The following TTN variants were observed in gnomAD, a reference collection of about 807,000 sequenced individuals.
TTN encodes the protein connectin.
Under a neutral mutation model 3,223.0 loss-of-function variants are expected in TTN, and 1,525 were observed. The observed-to-expected ratio is 0.47, with a 90% CI of 0.45 to 0.49. The LOEUF is 0.49. TTN is among the 20% of genes least tolerant of loss of function. The pLI is 0.00. For synonymous variants in TTN, 14,094 were observed against 15,161.0 expected, an observed-to-expected ratio of 0.93 and a Z score of 5.17; for missense variants, 40,786 against 43,424.0, an observed-to-expected ratio of 0.94 and a Z score of 5.40.
chr2:178,712,652 A>C, intron 94 of TTN, 45 bp downstream of exon 94: 1 of 1,606,602 alleles, frequency 6.2e-7, no homozygotes, highest in Non-Finnish European at 8.5e-7. Context: ...ACAAAGACAC[A>C]TCTAATTACT....
rs2049113309 is a variant in TTN at position 178,586,895 on chromosome 2, T to G, written c.64094-88A>C. 3.3e-6 allele frequency: 5 copies of G among 1,517,756 alleles called. No individual in the cohort carries two copies. In the African/African-American group the frequency reaches 7.0e-5, roughly 21 times the overall value. 94.0% of individuals were successfully genotyped at this position (1,517,756 alleles called of 1,614,324 possible). On this transcript the variant is annotated intron_variant, in intron 307 of 362. Coordinates refer to ENST00000589042, the MANE Select transcript of TTN (RefSeq NM_001267550.2). ...GTACATAAGAGTTTTAGTATGGATT[T>G]GCTCCAATGTACATAGAACCTGTAG...
chr2:178,716,983 C>G, intron 88 of TTN, 112 bp downstream of exon 88: 1 of 1,224,562 alleles, frequency 8.2e-7, no homozygotes, highest in Non-Finnish European at 1.1e-6. Flanking sequence ...GATCCATTTT[C>G]ATCACTAGAC....
rs774105753 is a variant in TTN, at chr2:178,774,046, C to A, written c.7122G>T (p.Gln2374His). 3.7e-6 allele frequency: 6 copies of A among 1,613,968 alleles called. No individual in the cohort carries two copies. In the East Asian group the frequency reaches 1.1e-4, roughly 30 times the overall value. Residue 2374 changes from glutamine (Q) to histidine (H), a missense_variant, in exon 31 of 363, where the codon CAG becomes CAT. Coordinates refer to ENST00000589042, the MANE Select transcript of TTN (RefSeq NM_001267550.2). ...TTTCCAAGGAGACTTTAACTTCAAGCTGAACAATGTCACCCTCACAGACTT... is the reference window on the plus strand; with the variant it reads ...TTTCCAAGGAGACTTTAACTTCAAGATGAACAATGTCACCCTCACAGACTT... ...DQKVCEGDIV[Q>H]LEVKVSLESV...
chr2:178,799,408 G>A (rs368402876), intron 6 of TTN, 79 bp downstream of exon 6: 1 of 1,607,076 alleles, frequency 6.2e-7, no homozygotes, highest in Non-Finnish European at 8.5e-7. Flanking sequence ...TGCCCTGCGA[G>A]GGGGACAAGG....
intron 307 of TTN, 57 bp from the exon 308 acceptor site, chr2:178,586,864 GTTAATGTACATAAGAGTT>G: frequency 6.3e-7 from 1 of 1,579,184 alleles, no homozygotes. Context: ...AATCCCCTTT[GTTAATGTACATAAGAGTT>G]TTAGTATGGA....
In TTN at chr2:178,785,684, C is replaced by A. The variant is rs773966832; in HGVS notation, c.2429G>T (p.Arg810Leu). 6 of 1,614,070 alleles carry A rather than the reference C, an allele frequency of 3.7e-6. No individual in the cohort carries two copies. Among genetic ancestry groups the A allele is most frequent in the East Asian group, 2.2e-5 (1 of 44,868 alleles). The part of the protein sequence containing the change: ...ERLVHVDKRP[R>L]TASPHFTVSK... ...AACAGTAAAGTGAGGGCTAGCTGTG[C>A]GGGGGCGTTTATCCACATGGACTAA... Residue 810 changes from arginine (R) to leucine (L), a missense_variant, in exon 15 of 363, where the codon CGC becomes CTC. By Grantham distance (102) the Arg-to-Leu change is moderately radical. Coordinates refer to ENST00000589042, the MANE Select transcript of TTN (RefSeq NM_001267550.2).
At chr2:178,674,630 G>T (rs544271202) in intron 150 of TTN, among the ~76,000 whole-genome samples, 5 of 144,852 alleles carry the variant, frequency 3.5e-5, no homozygotes, top group African/African-American at 1.3e-4. Flanking sequence ...AATTATTATT[G>T]TTTTTTTTTT....
In TTN at chr2:178,559,564, A is replaced by C; in HGVS notation, c.86568T>G (p.Asp28856Glu). 1.9e-6 allele frequency: 3 copies of C among 1,613,864 alleles called. No homozygotes were observed. The highest frequency in any genetic ancestry group is 3.3e-5 in the Admixed American group (2 of 60,022). ...ATAACACTGCAGACTCTTTGGTTAC[A>C]TCTTGCACAGTAATGTTGGTTGGAG... ...PGPPTNITVQ[D>E]VTKESAVLSW... Residue 28856 changes from aspartate (D) to glutamate (E), a missense_variant, in exon 326 of 363, where the codon GAT becomes GAG. Asp to Glu is a conservative substitution (Grantham distance 45, BLOSUM62 2). Transcript: ENST00000589042.
chr2:178,663,499 C>G lies in TTN; in HGVS notation c.36550G>C (p.Glu12184Gln). Residue 12184 changes from glutamate (E) to glutamine (Q), a missense_variant, in exon 172 of 363, where the codon GAA becomes CAA. Coordinates refer to ENST00000589042, the MANE Select transcript of TTN (RefSeq NM_001267550.2). ...GGCACTTTCTTTTCAGGAACAACTT[C>G]TTTGGGAGCCTCAGGCACTTGAAAG... Reference protein sequence around the residue: ...PPVKVPEAPKEVVPEKKVPVP... With the variant: ...PPVKVPEAPKQVVPEKKVPVP... 1 of 1,613,110 alleles carries G rather than the reference C, an allele frequency of 6.2e-7. No homozygotes were observed. Among genetic ancestry groups the G allele is most frequent in the Non-Finnish European group, 8.5e-7 (1 of 1,179,668 alleles).
chr2:178,646,104 TTATATATATATATA>T (rs71023450), intron 216 of TTN, 74 bp from the exon 217 acceptor site: 447 of 37,978 alleles, frequency 0.012, 36 homozygotes, highest in East Asian at 0.038. Flanking sequence ...TTAATAGAAA[TTATATATATATATA>T]TATATATATA....
At chr2:178,674,659 A>G (rs1258840843) in intron 150 of TTN, among the ~76,000 whole-genome samples, 1 of 151,340 alleles carries the variant, frequency 6.6e-6, no homozygotes, top group Non-Finnish European at 1.5e-5. Context: ...ACTTGTTTGA[A>G]GTCAAACAGC....
chr2:178,565,635 A>T lies in TTN; in HGVS notation c.80497T>A (p.Ser26833Thr). 6.2e-7 allele frequency: 1 copy of T among 1,613,580 alleles called. No individual in the cohort carries two copies. Among genetic ancestry groups the T allele is most frequent in the Non-Finnish European group, 8.5e-7 (1 of 1,179,636 alleles). ...GTAACAACTGCATTACAGACTTTGG[A>T]TTCAGCCACAATGCTCCATTTTTCA... ...GTEKWSIVAE[S>T]KVCNAVVTGL... The change falls in exon 326 of 363, where the codon TCC becomes ACC. Residue 26833 changes from serine to threonine, a missense_variant. Physicochemically the swap from Ser to Thr is moderately conservative, Grantham distance 58. Transcript: ENST00000589042.
rs371687650 is a variant in TTN at position 178,734,739 on chromosome 2, C to T, written c.15185G>A (p.Ser5062Asn). ...AACTATTTCAGTACTGCAGCTATCA[C>T]TGCCGACGTCATTCACTGCTTCACA... ...YSCEAVNDVG[S>N]DSCSTEIVIK... The change falls in exon 51 of 363, where the codon AGT (serine) becomes AAT (asparagine). Residue 5062 changes from serine (S) to asparagine (N), a missense_variant. Coordinates refer to ENST00000589042, the MANE Select transcript of TTN (RefSeq NM_001267550.2). 49 of 1,612,834 alleles carry T rather than the reference C, an allele frequency of 3.0e-5. No homozygotes were observed. The highest frequency in any genetic ancestry group is 1.7e-5 in the Admixed American group (1 of 59,972).
At position 178,673,296 on chromosome 2, in the gene TTN, T is replaced by C. The variant is rs2067334294; in HGVS notation, c.34786+337A>G. 2.0e-5 allele frequency among the ~76,000 whole-genome samples: 3 copies of C among 151,818 alleles called. No individual in the cohort carries two copies. In the South Asian group the frequency reaches 6.2e-4, roughly 31 times the overall value. Reference sequence around the variant, plus strand: ...AATAAATATAGTAAAATAATTATTATAACACAGAAGAAAACTCCGTTCCAC... The same window carrying C: ...AATAAATATAGTAAAATAATTATTACAACACAGAAGAAAACTCCGTTCCAC... On this transcript the variant is annotated intron_variant, in intron 152 of 362. Coordinates refer to ENST00000589042, the MANE Select transcript of TTN (RefSeq NM_001267550.2).
chr2:178,595,454 G>A, intron 295 of TTN, 53 bp downstream of exon 295: 3 of 1,500,860 alleles, frequency 2.0e-6, no homozygotes, highest in African/African-American at 1.4e-5. Flanking sequence ...CCATAGTCTT[G>A]TACTAAATGA....
In TTN at chr2:178,733,386, C is replaced by A. The variant is rs72648934; in HGVS notation, c.15907G>T (p.Ala5303Ser). 4.3e-6 allele frequency: 7 copies of A among 1,613,632 alleles called. No individual in the cohort carries two copies. Among genetic ancestry groups the A allele is most frequent in the Non-Finnish European group, 5.1e-6 (6 of 1,179,772 alleles). Residue 5303 changes from alanine (A) to serine (S), a missense_variant, in exon 54 of 363, where the codon GCC (alanine) becomes TCC (serine). Coordinates refer to ENST00000589042, the MANE Select transcript of TTN (RefSeq NM_001267550.2). ...KWYKDGRPLV[A>S]SKKYRISFKN... Reference sequence around the variant, plus strand: ...AAACTTATTCGGTATTTTTTACTGGCGACCAAGGGTCTCCCATCTTTGTAC... The same window carrying A: ...AAACTTATTCGGTATTTTTTACTGGAGACCAAGGGTCTCCCATCTTTGTAC...
intron 296 of TTN, 21 bp downstream of exon 296, chr2:178,594,323 T>C (rs758302009): frequency 7.5e-6 from 12 of 1,589,566 alleles, no homozygotes; most frequent in Non-Finnish European, 7.7e-6. Context: ...TTCAGAAGTA[T>C]AAATTGTAGT....
chr2:178,680,965 C>T, intron 138 of TTN, 114 bp downstream of exon 138: 2 of 941,554 alleles, frequency 2.1e-6, no homozygotes, highest in African/African-American at 1.7e-5. Flanking sequence ...ATCCAACATT[C>T]TGCTGACAAC....
chr2:178,540,517 G>A, intron 350 of TTN, 147 bp from the exon 351 acceptor site: 1 of 737,092 alleles, frequency 1.4e-6, no homozygotes, highest in Non-Finnish European at 2.2e-6. Flanking sequence ...TCATGGCTGG[G>A]TGTGGTGGCT....
Sources: allele counts gnomAD v4.1 joint callset (sites outside exome capture counted in the v4.1 genomes callset), GRCh38; gene constraint gnomAD v4.1.1; transcripts MANE v1.5; gene names NCBI Gene and HGNC (gene_info 2026-07-23, HGNC 2026-07-21).